Variants in APLF observed in about 807,000 individuals in gnomAD.
The protein encoded by APLF is aprataxin and PNK-like factor.
In APLF, 61 loss-of-function variants were observed where a neutral mutation model predicts 55.6. That is an observed-to-expected ratio of 1.10 (90% CI 0.89 to 1.36). The LOEUF is 1.36. Ranked by LOEUF, APLF falls within the 40% of genes most tolerant of loss-of-function variation. The probability of loss-of-function intolerance (pLI) is 0.00; values close to 1 mark genes in which losing one functional copy is unlikely to be tolerated. For missense variants in APLF, 611 were observed against 602.5 expected, an observed-to-expected ratio of 1.01 and a Z score of -0.15; for synonymous variants, 207 against 214.8, an observed-to-expected ratio of 0.96 and a Z score of 0.32.
At chr2:68,517,982 A>T (rs1016511421) in intron 5 of APLF, among the ~76,000 whole-genome samples, 1 of 136,466 alleles carries the variant, frequency 7.3e-6, no homozygotes, top group Admixed American at 7.4e-5. Context: ...ACAGTAATAT[A>T]TCACTAATAT....
At chr2:68,512,919 A>G (rs929803190) in intron 3 of APLF, among the ~76,000 whole-genome samples, 161 bp from the exon 4 acceptor site, 1 of 151,774 alleles carries the variant, frequency 6.6e-6, no homozygotes, top group Admixed American at 6.6e-5. Context: ...AGCAGGTAGG[A>G]AATAAAGAAC....
At chr2:68,491,701 C>A (rs947115794) in intron 2 of APLF, among the ~76,000 whole-genome samples, 2 of 152,230 alleles carry the variant, frequency 1.3e-5, no homozygotes, top group East Asian at 3.9e-4. Flanking sequence ...ATGGTGAAAT[C>A]TGAGCTTTTA....
intron 2 of APLF, among the ~76,000 whole-genome samples, chr2:68,498,053 G>A (rs1332048486): frequency 6.6e-6 from 1 of 152,164 alleles, no homozygotes; most frequent in Non-Finnish European, 1.5e-5. Flanking sequence ...GCAATTTAAA[G>A]ACATTTAGAG....
rs140633093 is a variant in APLF, at chr2:68,467,954, T to A, written c.96+127T>A. 8.0e-4 allele frequency: 514 copies of A among 643,784 alleles called. 2 individuals carry two copies. In the African/African-American group the frequency reaches 8.6e-3, roughly 11 times the overall value. 39.9% of individuals were successfully genotyped at this position (643,784 alleles called of 1,614,324 possible). Reference sequence around the variant, plus strand: ...TCCGCCGGTCCGGATTTTAGAAGTTTGGGGCCGCACGTTTTTCAGTTACCT... The same window carrying A: ...TCCGCCGGTCCGGATTTTAGAAGTTAGGGGCCGCACGTTTTTCAGTTACCT... On this transcript the variant is annotated intron_variant, in intron 1 of 9. Coordinates refer to ENST00000303795, the MANE Select transcript of APLF (RefSeq NM_173545.3).
At chr2:68,555,175 A>G (rs1040353177) in intron 8 of APLF, among the ~76,000 whole-genome samples, 4 of 152,208 alleles carry the variant, frequency 2.6e-5, no homozygotes, top group African/African-American at 9.6e-5. Flanking sequence ...TGGATCAAGG[A>G]CTTAAATCTA....
intron 2 of APLF, among the ~76,000 whole-genome samples, chr2:68,495,211 C>A (rs547378692): frequency 6.6e-6 from 1 of 152,218 alleles, no homozygotes; most frequent in African/African-American, 2.4e-5. Context: ...AGTCTTAACT[C>A]ATTCCAGCAT....
rs143232460 is a variant in APLF at position 68,490,261 on chromosome 2, G to A, written c.168G>A (p.Pro56=). The A allele has an allele frequency of 5.0e-5, 81 of 1,609,542 alleles. No individual in the cohort carries two copies. Among genetic ancestry groups the A allele is most frequent in the African/African-American group, 2.5e-4 (19 of 74,760 alleles). Residue 56 remains proline (P), a splice_region_variant and synonymous_variant, in exon 2 of 10, where the codon CCG becomes CCA. Coordinates refer to ENST00000303795, the MANE Select transcript of APLF (RefSeq NM_173545.3). ...EVAGGQLRIK[P]IHTNPCFYQS... ...CAGGTGGTCAGCTGCGAATCAAACC[G>A]GTAAATATGTTATTAATGATTCATT...
chr2:68,515,501 G>A (rs1004534402), intron 5 of APLF: 1 of 828,698 alleles, frequency 1.2e-6, no homozygotes, highest in African/African-American at 1.9e-5. Flanking sequence ...GAATTGTTTT[G>A]TACTGCAACT....
In APLF at chr2:68,529,239, TA is replaced by T; in HGVS notation, c.804+2999del. 1 of 1,259,280 alleles carries T rather than the reference TA, an allele frequency of 7.9e-7. No individual in the cohort carries two copies. The allele number at this position is 1,259,280 out of a possible 1,614,324, so 78.0% of individuals were successfully genotyped here. On this transcript the variant is annotated intron_variant, in intron 6 of 9. Transcript: ENST00000303795. This position sits in a 1 kb window ranked among gnomAD's most constrained non-coding sequence, Gnocchi z 4.4. ...TTCCAAGGGATAAGACACAGCCTCA[TA>T]AGGGTGCCGTCCCACCTGCCTGGAA...
chr2:68,550,377 A>G (rs1343103438), intron 8 of APLF, among the ~76,000 whole-genome samples: 2 of 151,626 alleles, frequency 1.3e-5, no homozygotes, highest in African/African-American at 2.4e-5. Flanking sequence ...GATTATAGGC[A>G]CCCACCACCA....
chr2:68,510,375 G>T (rs902972556), intron 3 of APLF, among the ~76,000 whole-genome samples: 6 of 151,702 alleles, frequency 4.0e-5, no homozygotes, highest in African/African-American at 1.5e-4. Context: ...TAACTGATTT[G>T]AATAGACATT....
intron 6 of APLF, among the ~76,000 whole-genome samples, chr2:68,536,940 G>A (rs1026137598): frequency 3.3e-5 from 5 of 152,086 alleles, no homozygotes; most frequent in African/African-American, 1.2e-4. Context: ...GCCAGGGCAG[G>A]CAGATCACCT....
chr2:68,499,885 T>TA (rs1158605755), intron 2 of APLF, among the ~76,000 whole-genome samples: 3 of 152,132 alleles, frequency 2.0e-5, no homozygotes, highest in Non-Finnish European at 2.9e-5. Flanking sequence ...TGCACATACA[T>TA]ACACGTAAAC....
At chr2:68,487,979 A>G (rs1676236544) in intron 1 of APLF, among the ~76,000 whole-genome samples, 1 of 152,076 alleles carries the variant, frequency 6.6e-6, no homozygotes. Context: ...ATACTTTTAT[A>G]TTACTTAAAA....
chr2:68,473,900 G>A (rs1372621044), intron 1 of APLF, among the ~76,000 whole-genome samples: 3 of 152,172 alleles, frequency 2.0e-5, no homozygotes, highest in African/African-American at 7.2e-5. Flanking sequence ...TCTATCTGGA[G>A]ATAGCATCAG....
intron 8 of APLF, among the ~76,000 whole-genome samples, chr2:68,548,545 A>C (rs146526381): frequency 2.3e-3 from 345 of 152,058 alleles, no homozygotes; most frequent in African/African-American, 8.1e-3. Flanking sequence ...CCTTGAAGTA[A>C]CTGTTTTCTC....
chr2:68,511,379 A>C (rs1477073136), intron 3 of APLF, among the ~76,000 whole-genome samples: 1 of 151,736 alleles, frequency 6.6e-6, no homozygotes, highest in Non-Finnish European at 1.5e-5. Flanking sequence ...ATTTAAATAA[A>C]TGTGTAGTAG....
intron 9 of APLF, among the ~76,000 whole-genome samples, chr2:68,568,791 G>A (rs999054723): frequency 6.6e-6 from 1 of 152,012 alleles, no homozygotes; most frequent in African/African-American, 2.4e-5. Context: ...ACATATTTTA[G>A]GACAATTAAC....
chr2:68,561,176 C>T (rs1364675211), intron 8 of APLF, among the ~76,000 whole-genome samples: 2 of 152,054 alleles, frequency 1.3e-5, no homozygotes, highest in Admixed American at 6.6e-5. Flanking sequence ...ACTGATATCT[C>T]TAAAATGCTT....
Sources: allele counts gnomAD v4.1 joint callset (sites outside exome capture counted in the v4.1 genomes callset), GRCh38; gene constraint gnomAD v4.1.1; non-coding constraint Gnocchi (gnomAD v3.1); transcripts MANE v1.5; gene names NCBI Gene and HGNC (gene_info 2026-07-23, HGNC 2026-07-21).